Variants in SNX29 observed in about 807,000 individuals in gnomAD.
SNX29 encodes the protein sorting nexin-29.
SNX29 carries 78 observed loss-of-function variants against 102.1 expected under a neutral mutation model. The observed-to-expected ratio is 0.76, with a 90% CI of 0.64 to 0.92. The LOEUF is 0.92. Ranked by LOEUF, SNX29 falls within the 40% of genes least tolerant of loss-of-function variation. The pLI, the probability that SNX29 is intolerant of heterozygous loss-of-function variation, is 0.00. For synonymous variants in SNX29, 580 were observed against 414.5 expected, an observed-to-expected ratio of 1.40 and a Z score of -4.85; for missense variants, 1,280 against 1,061.7, an observed-to-expected ratio of 1.21 and a Z score of -2.86.
intron 20 of SNX29, among the ~76,000 whole-genome samples, chr16:12,553,062 C>G (rs1259913744): frequency 6.6e-6 from 1 of 152,204 alleles, no homozygotes. Context: ...ATGGTAACTG[C>G]AAAGCAACAC....
chr16:12,150,348 T>A (rs1352554426), intron 13 of SNX29, among the ~76,000 whole-genome samples: 1 of 152,106 alleles, frequency 6.6e-6, no homozygotes, highest in Non-Finnish European at 1.5e-5. Flanking sequence ...TTCCAGTTGT[T>A]TGGTTCTTGG....
chr16:12,522,843 A>C (rs1407140620), intron 19 of SNX29, among the ~76,000 whole-genome samples: 2 of 152,236 alleles, frequency 1.3e-5, no homozygotes, highest in East Asian at 3.9e-4. Flanking sequence ...GTCAGGGTCT[A>C]ACTGTCTCCC....
chr16:12,202,629 G>A (rs1487733389), intron 14 of SNX29, among the ~76,000 whole-genome samples: 3 of 152,176 alleles, frequency 2.0e-5, no homozygotes, highest in Non-Finnish European at 4.4e-5. Flanking sequence ...CTTTCTCCTC[G>A]CCACGGAGCC....
At chr16:12,562,598 G>C (rs781320103) in intron 20 of SNX29, among the ~76,000 whole-genome samples, 30 of 152,294 alleles carry the variant, frequency 2.0e-4, no homozygotes, top group Non-Finnish European at 2.9e-4. Context: ...CGGGGACAAA[G>C]GTCGCTGGCT....
intron 15 of SNX29, among the ~76,000 whole-genome samples, chr16:12,330,408 A>G (rs945667426): frequency 6.6e-6 from 1 of 152,186 alleles, no homozygotes; most frequent in Non-Finnish European, 1.5e-5. Flanking sequence ...CAGAGGTTGC[A>G]GTGAGCTGAG....
intron 11 of SNX29, among the ~76,000 whole-genome samples, chr16:12,080,142 C>A (rs2051792985): frequency 6.6e-6 from 1 of 152,142 alleles, no homozygotes. Flanking sequence ...AAGGTGCTTA[C>A]AGTATACCAC....
At chr16:12,376,947 C>T (rs547370347) in intron 16 of SNX29, among the ~76,000 whole-genome samples, 2 of 152,172 alleles carry the variant, frequency 1.3e-5, no homozygotes, top group South Asian at 4.2e-4. Flanking sequence ...GTGAATTTTA[C>T]TCTGTCTTGG....
rs992726586 is a variant in SNX29 at position 12,571,857 on chromosome 16, G to A, written c.*3228G>A. ...AGCAGTATGCTCCAATCACGTTGCTGGCAAGGCATTTTAGAGTTTGGAGCT... is the reference window on the plus strand; with the variant it reads ...AGCAGTATGCTCCAATCACGTTGCTAGCAAGGCATTTTAGAGTTTGGAGCT... On this transcript the variant is annotated 3_prime_UTR_variant, in exon 21 of 21. Transcript: ENST00000566228. 1.7e-5 allele frequency: 18 copies of A among 1,060,794 alleles called. No individual in the cohort carries two copies. Among genetic ancestry groups the A allele is most frequent in the African/African-American group, 1.3e-4 (8 of 60,818 alleles). 65.7% of individuals were successfully genotyped at this position (1,060,794 alleles called of 1,614,324 possible). A position where few individuals can be genotyped will look rare whatever the true frequency, so the allele number is the denominator to read the frequency against.
intron 14 of SNX29, among the ~76,000 whole-genome samples, chr16:12,250,377 C>G (rs913067830): frequency 5.3e-5 from 8 of 152,172 alleles, no homozygotes; most frequent in African/African-American, 1.7e-4. Flanking sequence ...GGAGAGAAGC[C>G]ACAGGTGGGA....
intron 18 of SNX29, among the ~76,000 whole-genome samples, chr16:12,415,469 C>G (rs2084591498): frequency 6.6e-6 from 1 of 152,246 alleles, no homozygotes; most frequent in South Asian, 2.1e-4. Flanking sequence ...TCCATTTGCC[C>G]TCACCTACTG....
intron 20 of SNX29, among the ~76,000 whole-genome samples, chr16:12,530,247 G>A (rs541449460): frequency 6.6e-6 from 1 of 152,224 alleles, no homozygotes; most frequent in Non-Finnish European, 1.5e-5. Context: ...TCTTTTAGGA[G>A]CTTTTAGAAC....
intron 18 of SNX29, among the ~76,000 whole-genome samples, chr16:12,417,565 CCCTCTTT>C (rs1302438795): frequency 6.6e-6 from 1 of 151,872 alleles, no homozygotes; most frequent in Admixed American, 6.6e-5. Flanking sequence ...CTTTCTGTTT[CCCTCTTT>C]CCTCCTCCTT....
At chr16:11,977,922 C>T (rs1191722240) in intron 1 of SNX29, 1 of 152,254 alleles carries the variant, frequency 6.6e-6, no homozygotes, top group Non-Finnish European at 1.5e-5. Context: ...TTTCCCCTCA[C>T]TGTGGAATTG....
chr16:12,131,229 C>T (rs576558810), intron 13 of SNX29, among the ~76,000 whole-genome samples: 21 of 152,302 alleles, frequency 1.4e-4, no homozygotes, highest in Non-Finnish European at 2.2e-4. Flanking sequence ...TTTTTCATTA[C>T]CATTTCTCTA....
At chr16:12,257,120 G>A (rs767203013) in intron 14 of SNX29, among the ~76,000 whole-genome samples, 8 of 152,126 alleles carry the variant, frequency 5.3e-5, no homozygotes, top group East Asian at 1.9e-4. Context: ...ATCCAGTTCC[G>A]AGTAGCTGAA....
intron 14 of SNX29, among the ~76,000 whole-genome samples, chr16:12,225,285 T>C (rs2142146646): frequency 6.6e-6 from 1 of 152,286 alleles, no homozygotes; most frequent in African/African-American, 2.4e-5. Context: ...AGGCATCTGG[T>C]AACGGCTTGG....
At chr16:12,373,112 C>T (rs2082743019) in intron 16 of SNX29, 1 of 152,280 alleles carries the variant, frequency 6.6e-6, no homozygotes, top group South Asian at 2.1e-4. Flanking sequence ...TTCATGTCCT[C>T]ACCTTTATTT....
At chr16:12,537,028 C>A (rs554659559) in intron 20 of SNX29, among the ~76,000 whole-genome samples, 2 of 152,114 alleles carry the variant, frequency 1.3e-5, no homozygotes, top group African/African-American at 2.4e-5. Flanking sequence ...GCCGGGGGAG[C>A]ACACAGCAAG....
intron 20 of SNX29, among the ~76,000 whole-genome samples, chr16:12,538,057 C>T (rs753164413): frequency 1.3e-5 from 2 of 151,732 alleles, no homozygotes; most frequent in Non-Finnish European, 2.9e-5. Flanking sequence ...TATAATCGAT[C>T]TTGGTGACAG....
Sources: allele counts gnomAD v4.1 joint callset (sites outside exome capture counted in the v4.1 genomes callset), GRCh38; gene constraint gnomAD v4.1.1; transcripts MANE v1.5; gene names NCBI Gene and HGNC (gene_info 2026-07-23, HGNC 2026-07-21).